Variants in HOMER2 observed in about 807,000 individuals in gnomAD.
HOMER2 encodes homer protein homolog 2.
A neutral mutation model predicts 47.0 loss-of-function variants in HOMER2; 27 were observed. The ratio of observed to expected loss-of-function variants is 0.57; its 90% confidence interval spans 0.42 to 0.79. HOMER2 has a LOEUF of 0.79. Among genes scored for constraint, HOMER2 ranks in the 30% least tolerant of loss-of-function variants. The pLI is 0.00. For synonymous variants in HOMER2, 161 were observed against 163.8 expected (o/e 0.98, Z 0.13); for missense variants, 443 against 435.0 (o/e 1.02, Z -0.16).
chr15:82,901,787 A>C (rs1032277173), intron 1 of HOMER2, among the ~76,000 whole-genome samples: 2 of 152,222 alleles, frequency 1.3e-5, no homozygotes, highest in Non-Finnish European at 2.9e-5. Flanking sequence ...ATTCCAAAAA[A>C]CATACATGTA....
chr15:82,856,569 T>C (rs1055409675), intron 5 of HOMER2, among the ~76,000 whole-genome samples: 6 of 152,070 alleles, frequency 3.9e-5, no homozygotes, highest in African/African-American at 1.2e-4. Context: ...TAGTAAGCTA[T>C]GATGACACCA....
chr15:82,836,731 G>A (rs547413497), downstream of HOMER2, among the ~76,000 whole-genome samples: 34 of 152,286 alleles, frequency 2.2e-4, no homozygotes, highest in African/African-American at 7.0e-4. Flanking sequence ...TCATCTGTTC[G>A]TCCATTCTCT....
intron 1 of HOMER2, among the ~76,000 whole-genome samples, chr15:82,980,330 C>T (rs1403049193): frequency 6.6e-6 from 1 of 152,110 alleles, no homozygotes; most frequent in Non-Finnish European, 1.5e-5. Flanking sequence ...GGCCAGGTAC[C>T]AGGCAACTAG....
At chr15:82,942,965 C>T (rs1212115505) in intron 1 of HOMER2, among the ~76,000 whole-genome samples, 1 of 152,110 alleles carries the variant, frequency 6.6e-6, no homozygotes, top group Admixed American at 6.5e-5. Context: ...TGGAAGGCAG[C>T]CACACAGTGG....
intron 1 of HOMER2, among the ~76,000 whole-genome samples, chr15:82,922,303 C>T (rs1266562556): frequency 6.6e-6 from 1 of 152,174 alleles, no homozygotes; most frequent in Non-Finnish European, 1.5e-5. Context: ...AGTTCCATGG[C>T]CTTCCCTATA....
At chr15:82,857,040 C>T (rs1042665486) in intron 5 of HOMER2, among the ~76,000 whole-genome samples, 1 of 152,020 alleles carries the variant, frequency 6.6e-6, no homozygotes, top group African/African-American at 2.4e-5. Context: ...TCTTATGGAC[C>T]CAATGCTTGA....
At chr15:82,861,853 C>CA (rs1250035848) in intron 4 of HOMER2, among the ~76,000 whole-genome samples, 3 of 151,884 alleles carry the variant, frequency 2.0e-5, no homozygotes, top group Non-Finnish European at 4.4e-5. Context: ...ACTAAAGATA[C>CA]AAAAAAATTA....
chr15:82,984,777 C>T (rs777432588), intron 1 of HOMER2, among the ~76,000 whole-genome samples: 4 of 152,144 alleles, frequency 2.6e-5, no homozygotes. Context: ...GACCACGTCA[C>T]TGCACTCCAG....
chr15:82,930,345 T>C (rs1475660999), intron 1 of HOMER2, among the ~76,000 whole-genome samples: 2 of 152,118 alleles, frequency 1.3e-5, no homozygotes, highest in East Asian at 1.9e-4. Context: ...ACAGAAACCA[T>C]GTAAGATACC....
intron 1 of HOMER2, among the ~76,000 whole-genome samples, chr15:82,946,839 C>T (rs2054394114): frequency 6.6e-6 from 1 of 152,188 alleles, no homozygotes; most frequent in Non-Finnish European, 1.5e-5. Flanking sequence ...AGAGGGATGG[C>T]TGTGTAACCA....
upstream of HOMER2, among the ~76,000 whole-genome samples, chr15:82,955,623 A>G (rs932794800): frequency 6.6e-6 from 1 of 152,200 alleles, no homozygotes; most frequent in African/African-American, 2.4e-5. Flanking sequence ...CATATGAAAC[A>G]AATGTATTAT....
intron 3 of HOMER2, among the ~76,000 whole-genome samples, chr15:82,873,361 C>T (rs553401713): frequency 6.6e-6 from 1 of 152,308 alleles, no homozygotes; most frequent in East Asian, 1.9e-4. Context: ...TACTTTCTGT[C>T]CCACATGACA....
chr15:82,949,186 G>C (rs574847870), intron 1 of HOMER2, among the ~76,000 whole-genome samples: 8 of 152,172 alleles, frequency 5.3e-5, no homozygotes, highest in Non-Finnish European at 1.2e-4. Context: ...ATGTATTGAC[G>C]AGAGTCAGAA....
At position 82,907,716 on chromosome 15, in the gene HOMER2, C is replaced by A. The variant is rs1292253614; in HGVS notation, c.6-14875G>T. ...AGTGACATGGAACATTCAAGATAGA[C>A]CATATTCTGGGCCATAAAACACACC... On this transcript the variant is annotated intron_variant, in intron 1 of 8. Coordinates refer to ENST00000450735, the MANE Select transcript of HOMER2 (RefSeq NM_004839.4). Among the ~76,000 whole-genome samples the A allele has an allele frequency of 2.0e-5, 3 of 152,164 alleles. No individual in the cohort carries two copies. In the East Asian group the frequency reaches 5.8e-4, roughly 29 times the overall value.
chr15:82,853,617 C>CA (rs1413589167), intron 6 of HOMER2, among the ~76,000 whole-genome samples: 4 of 152,168 alleles, frequency 2.6e-5, no homozygotes, highest in African/African-American at 4.8e-5. Flanking sequence ...GAGCATACTC[C>CA]AAAGCCTATG....
Position 82,892,680 on chromosome 15 carries a change from G to T in HOMER2, c.162+5C>A. 6.6e-7 allele frequency: 1 copy of T among 1,524,642 alleles called. No homozygotes were observed. The highest frequency in any genetic ancestry group is 8.9e-7 in the Non-Finnish European group (1 of 1,121,176). The allele number at this position is 1,524,642 out of a possible 1,614,324, so 94.4% of individuals were successfully genotyped here. ...GAGTATTAAAATCAGCTGAGGGGGT[G>T]GTACCTTGGCTCCGTCCACACTGAT... On this transcript the variant is annotated splice_donor_5th_base_variant and intron_variant, in intron 2 of 8. Coordinates refer to ENST00000450735, the MANE Select transcript of HOMER2 (RefSeq NM_004839.4).
exon 2 of HOMER2, chr15:82,837,838 T>G (rs1596293401): frequency 6.6e-6 from 1 of 152,332 alleles, no homozygotes; most frequent in African/African-American, 2.4e-5. Flanking sequence ...TCCCAGGGCC[T>G]GGGCATGAGG....
At position 82,851,087 on chromosome 15, in the gene HOMER2, T is replaced by C. The variant is rs2051376720; in HGVS notation, c.843+64A>G. 5 of 1,031,532 alleles carry C rather than the reference T, an allele frequency of 4.8e-6. No individual in the cohort carries two copies. The South Asian group carries it at 7.0e-5, about 15-fold the overall frequency. 63.9% of individuals were successfully genotyped at this position (1,031,532 alleles called of 1,614,324 possible). On this transcript the variant is annotated intron_variant, in intron 8 of 8. Coordinates refer to ENST00000450735, the MANE Select transcript of HOMER2 (RefSeq NM_004839.4). ...GTGAAAGTGATAGGAAGCAGGAAAATGAGTACCATGACATTTGTGCCTTCT... is the reference window on the plus strand; with the variant it reads ...GTGAAAGTGATAGGAAGCAGGAAAACGAGTACCATGACATTTGTGCCTTCT...
chr15:82,859,294 A>C, intron 4 of HOMER2, 159 bp from the exon 5 acceptor site: 2 of 939,780 alleles, frequency 2.1e-6, no homozygotes, highest in South Asian at 1.7e-5. Context: ...GCAAAGACTA[A>C]CAAGTTTTTG....
Sources: gnomAD v4.1 joint callset for allele counts (sites outside exome capture counted in the v4.1 genomes callset) on GRCh38, gnomAD v4.1.1 for gene constraint, MANE v1.5 for transcripts, NCBI Gene and HGNC (gene_info 2026-07-23, HGNC 2026-07-21) for gene names.